LIMK2: variants seen among roughly 807,000 people sequenced by gnomAD.
The protein encoded by LIMK2 is LIM domain kinase 2.
A neutral mutation model predicts 75.7 loss-of-function variants in LIMK2; 35 were observed. The observed-to-expected ratio is 0.46, with a 90% CI of 0.35 to 0.61. LIMK2 has a LOEUF of 0.61. LIMK2 is among the 20% of genes least tolerant of loss of function. The probability of loss-of-function intolerance (pLI) is 0.00; values close to 1 mark genes in which losing one functional copy is unlikely to be tolerated. For missense variants in LIMK2, 623 were observed against 831.0 expected, an observed-to-expected ratio of 0.75 and a Z score of 3.08; for synonymous variants, 301 against 319.2, an observed-to-expected ratio of 0.94 and a Z score of 0.61.
chr22:31,262,601 G>A lies in LIMK2; in HGVS notation c.664G>A (p.Asp222Asn). The A allele has an allele frequency of 6.2e-7, 1 of 1,611,202 alleles. No homozygotes were observed. The highest frequency in any genetic ancestry group is 1.1e-5 in the South Asian group (1 of 90,818). The change falls in exon 7 of 16, where the codon GAT (aspartate) becomes AAT (asparagine). Residue 222 changes from aspartate (D) to asparagine (N), a missense_variant. Asp to Asn is a conservative substitution (Grantham distance 23). Coordinates refer to ENST00000331728, the MANE Select transcript of LIMK2 (RefSeq NM_005569.4). This position sits in a 1 kb window ranked among gnomAD's most constrained non-coding sequence, Gnocchi z 5.0. ...VRTLRVEEVE[D>N]AISQTSQTLQ... The stretch of plus-strand genomic sequence containing the variant: ...ATACTGCTCTTGGCCACAGGTGGAG[G>A]ATGCAATTAGCCAGACGAGCCAGAC...
At chr22:31,256,907 G>C (rs1439097216) in intron 2 of LIMK2, among the ~76,000 whole-genome samples, 1 of 152,152 alleles carries the variant, frequency 6.6e-6, no homozygotes, top group Non-Finnish European at 1.5e-5. Context: ...AGGCCAGGGA[G>C]CTCTTAGCTG....
intron 1 of LIMK2, 66 bp downstream of exon 1, chr22:31,212,490 G>C: frequency 2.3e-6 from 3 of 1,307,158 alleles, no homozygotes; most frequent in Non-Finnish European, 3.0e-6. Context: ...GGCGCCTGAG[G>C]GAAACCGGCT....
intron 1 of LIMK2, among the ~76,000 whole-genome samples, chr22:31,216,609 A>G (rs145653843): frequency 0.013 from 2,030 of 152,328 alleles, 21 homozygotes; most frequent in Middle Eastern, 0.027. Flanking sequence ...CTCCTGACAT[A>G]GGCAGGCCAG....
intron 2 of LIMK2, among the ~76,000 whole-genome samples, chr22:31,257,683 T>C (rs2048798050): frequency 6.6e-6 from 1 of 152,202 alleles, no homozygotes; most frequent in Admixed American, 6.5e-5. Context: ...TTAAAATCTG[T>C]GCCTTTTCTT....
chr22:31,237,022 G>A (rs1018819782), intron 2 of LIMK2, among the ~76,000 whole-genome samples: 3 of 151,942 alleles, frequency 2.0e-5, no homozygotes, highest in African/African-American at 7.2e-5. Flanking sequence ...AGCACTTTGG[G>A]AGGCCGAGGG....
intron 2 of LIMK2, among the ~76,000 whole-genome samples, chr22:31,246,981 A>G (rs188073041): frequency 6.6e-6 from 1 of 152,362 alleles, no homozygotes; most frequent in Non-Finnish European, 1.5e-5. Flanking sequence ...GCTTCTTAAC[A>G]GTATTCAAAC....
intron 2 of LIMK2, among the ~76,000 whole-genome samples, chr22:31,244,767 A>G (rs1392004723): frequency 2.0e-5 from 3 of 152,176 alleles, no homozygotes; most frequent in African/African-American, 4.8e-5. Flanking sequence ...ACATTTATCA[A>G]CCTTTAATGT....
chr22:31,254,403 G>GCTA (rs2048756567), intron 2 of LIMK2, among the ~76,000 whole-genome samples: 1 of 152,202 alleles, frequency 6.6e-6, no homozygotes, highest in Non-Finnish European at 1.5e-5. Flanking sequence ...CCCTACCTGG[G>GCTA]CTACTGGTTC....
At chr22:31,257,926 A>G (rs757015619) in intron 2 of LIMK2, among the ~76,000 whole-genome samples, 1 of 152,226 alleles carries the variant, frequency 6.6e-6, no homozygotes, top group Admixed American at 6.5e-5. Flanking sequence ...AATAGGTTTC[A>G]GAGAATCCTT....
At chr22:31,276,545 C>T (rs1234622416) in intron 15 of LIMK2, among the ~76,000 whole-genome samples, 12 of 146,268 alleles carry the variant, frequency 8.2e-5, no homozygotes, top group Non-Finnish European at 1.7e-4. Context: ...GGCCCGGGGG[C>T]TCCGCATGCT....
intron 7 of LIMK2, among the ~76,000 whole-genome samples, chr22:31,264,533 CAT>C (rs1239504999): frequency 6.6e-6 from 1 of 152,194 alleles, no homozygotes; most frequent in African/African-American, 2.4e-5. Flanking sequence ...AAAATGTAAA[CAT>C]AGTGACTTTA....
intron 2 of LIMK2, among the ~76,000 whole-genome samples, chr22:31,243,977 T>C (rs2048644986): frequency 6.6e-6 from 1 of 152,192 alleles, no homozygotes; most frequent in African/African-American, 2.4e-5. Flanking sequence ...GGAGGTCAAA[T>C]GGATTCCACC....
At chr22:31,271,632 A>G (rs550047167) in intron 12 of LIMK2, among the ~76,000 whole-genome samples, 67 of 152,220 alleles carry the variant, frequency 4.4e-4, no homozygotes, top group African/African-American at 1.3e-3. Context: ...ACTGCCCCTC[A>G]GCTGTGGTGG....
At chr22:31,232,265 A>AAC (rs1568986054) in intron 2 of LIMK2, among the ~76,000 whole-genome samples, 2 of 151,704 alleles carry the variant, frequency 1.3e-5, no homozygotes, top group South Asian at 2.1e-4. Context: ...AAAAAAAAAA[A>AAC]AAAACAGTAG....
At chr22:31,277,886 C>T (rs1443723632) in intron 15 of LIMK2, among the ~76,000 whole-genome samples, 2 of 152,104 alleles carry the variant, frequency 1.3e-5, no homozygotes, top group African/African-American at 2.4e-5. Flanking sequence ...CAGAGCAGGC[C>T]TCACTGAGGT....
rs750150883 is a variant in LIMK2 at position 31,278,448 on chromosome 22, C to T, written c.*7C>T. ...CCGGGACTCACCTCCCTAGCCCTGG[C>T]CCAGCCCCCTGCAGGGGGGTGTTCT... On this transcript the variant is annotated 3_prime_UTR_variant, in exon 16 of 16. Transcript: ENST00000331728. 1 of 1,599,112 alleles carries T rather than the reference C, an allele frequency of 6.3e-7. No individual in the cohort carries two copies. Among genetic ancestry groups the T allele is most frequent in the African/African-American group, 1.3e-5 (1 of 74,686 alleles).
intron 2 of LIMK2, among the ~76,000 whole-genome samples, chr22:31,245,771 A>G (rs752100349): frequency 2.6e-5 from 4 of 152,168 alleles, no homozygotes; most frequent in Non-Finnish European, 5.9e-5. Context: ...GGTTAGGGGA[A>G]AAAAAGCAAA....
chr22:31,272,656 T>A lies in LIMK2; in HGVS notation c.1510T>A (p.Tyr504Asn). The change falls in exon 13 of 16, where the codon TAC (tyrosine) becomes AAC (asparagine). Residue 504 changes from tyrosine to asparagine, a missense_variant. Transcript: ENST00000331728. ...TLRKNDRKKRYTVVGNPYWMA... is the reference protein window; with the variant it reads ...TLRKNDRKKRNTVVGNPYWMA... Reference sequence around the variant, plus strand: ...GCGCAAGAACGACCGCAAGAAGCGCTACACGGTGGTGGGAAACCCCTACTG... The same window carrying A: ...GCGCAAGAACGACCGCAAGAAGCGCAACACGGTGGTGGGAAACCCCTACTG... 6.2e-7 allele frequency: 1 copy of A among 1,613,284 alleles called. No homozygotes were observed. The highest frequency in any genetic ancestry group is 8.5e-7 in the Non-Finnish European group (1 of 1,179,786).
At chr22:31,237,171 G>A (rs1293030118) in intron 2 of LIMK2, among the ~76,000 whole-genome samples, 1 of 151,062 alleles carries the variant, frequency 6.6e-6, no homozygotes, top group Non-Finnish European at 1.5e-5. Context: ...TGAGGCAGGA[G>A]AATGGCGTGA....
Sources: allele counts gnomAD v4.1 joint callset (sites outside exome capture counted in the v4.1 genomes callset), GRCh38; gene constraint gnomAD v4.1.1; non-coding constraint Gnocchi (gnomAD v3.1); transcripts MANE v1.5; gene names NCBI Gene and HGNC (gene_info 2026-07-23, HGNC 2026-07-21).